Variants in CTNNA2 observed in about 807,000 individuals in gnomAD.
CTNNA2 encodes catenin alpha 2, also known as catenin alpha-2.
CTNNA2 carries 42 observed loss-of-function variants against 101.0 expected under a neutral mutation model. That is an observed-to-expected ratio of 0.42 (90% CI 0.32 to 0.54). CTNNA2 has a LOEUF of 0.54. CTNNA2 is among the 20% of genes least tolerant of loss of function. The pLI, the probability that CTNNA2 is intolerant of heterozygous loss-of-function variation, is 0.14. For synonymous variants in CTNNA2, 450 were observed against 456.4 expected (o/e 0.99, Z 0.18); for missense variants, 871 against 1,223.1 (o/e 0.71, Z 4.29).
Position 79,640,360 on chromosome 2 carries a change from G to A in CTNNA2, c.-5-11192G>A, listed in dbSNP as rs146681885. 3.4e-3 allele frequency among the ~76,000 whole-genome samples: 515 copies of A among 152,186 alleles called. 3 individuals carry two copies. The highest frequency in any genetic ancestry group is 0.012 in the African/African-American group (498 of 41,536). ...ACCTGCACAGCTTGAACTATACTTT[G>A]CACAAAGTTACTCATGTGGAAATCA... On this transcript the variant is annotated intron_variant, in intron 1 of 18. Coordinates refer to ENST00000402739, the MANE Select transcript of CTNNA2 (RefSeq NM_001282597.3).
intron 3 of CTNNA2, among the ~76,000 whole-genome samples, chr2:79,327,757 A>G (rs990985105): frequency 6.6e-6 from 1 of 152,198 alleles, no homozygotes; most frequent in African/African-American, 2.4e-5. Flanking sequence ...AAGTGGTTAA[A>G]GTATTTTCTC....
chr2:79,257,156 G>A (rs1482455534), intron 2 of CTNNA2, among the ~76,000 whole-genome samples: 3 of 152,062 alleles, frequency 2.0e-5, no homozygotes, highest in Non-Finnish European at 4.4e-5. Context: ...GTTTGAAAAT[G>A]TCCATAGTAA....
chr2:79,469,829 G>A (rs1411140345), intron 4 of CTNNA2, among the ~76,000 whole-genome samples: 2 of 152,044 alleles, frequency 1.3e-5, no homozygotes, highest in South Asian at 2.1e-4. Context: ...AAATTCAACA[G>A]CCCTTCATGC....
At chr2:79,318,398 G>T (rs1676546054) in intron 3 of CTNNA2, among the ~76,000 whole-genome samples, 1 of 152,124 alleles carries the variant, frequency 6.6e-6, no homozygotes, top group African/African-American at 2.4e-5. Context: ...AATATGCATT[G>T]ACTTGTTCTT....
chr2:79,611,633 G>A lies in CTNNA2; in HGVS notation c.-5-39919G>A, dbSNP rs184575611. ...AGGAATGTTTAAGGTGAGCCACTGC[G>A]GAGGAGTTTATTGGGCAGGGTAGTT... On this transcript the variant is annotated intron_variant, in intron 1 of 18. Coordinates refer to ENST00000402739, the MANE Select transcript of CTNNA2 (RefSeq NM_001282597.3). Among the ~76,000 whole-genome samples, 7 of 152,210 alleles carry A rather than the reference G, an allele frequency of 4.6e-5. No homozygotes were observed. In the East Asian group the frequency reaches 5.8e-4, roughly 13 times the overall value.
intron 4 of CTNNA2, among the ~76,000 whole-genome samples, chr2:79,374,741 G>C (rs985011548): frequency 6.9e-6 from 1 of 144,732 alleles, no homozygotes; most frequent in Non-Finnish European, 1.5e-5. Flanking sequence ...TAATTTGATT[G>C]CACTACAAAT....
intron 7 of CTNNA2, among the ~76,000 whole-genome samples, chr2:80,218,362 C>G (rs989650649): frequency 3.9e-5 from 6 of 152,190 alleles, no homozygotes; most frequent in Admixed American, 1.3e-4. Context: ...GGTGGGCAGA[C>G]CTTCAGGACA....
In CTNNA2 at chr2:79,463,474, A is replaced by C. The variant is rs1670901053; in HGVS notation, c.-134-41580A>C. ...GTTTAGGCATTAGGACACTTTGGTG[A>C]GTTGACATATATTGTGATGGCTTCT... On this transcript the variant is annotated intron_variant, in intron 4 of 21. Coordinates refer to the CTNNA2 transcript ENST00000466387. 2.0e-5 allele frequency among the ~76,000 whole-genome samples: 3 copies of C among 151,492 alleles called. No individual in the cohort carries two copies. The South Asian group carries it at 6.2e-4, about 32-fold the overall frequency.
chr2:80,349,451 G>C (rs1042413464), intron 7 of CTNNA2, among the ~76,000 whole-genome samples: 8 of 152,116 alleles, frequency 5.3e-5, no homozygotes, highest in African/African-American at 1.9e-4. Flanking sequence ...AAGCCAAAAA[G>C]GAGATCCTGG....
chr2:80,363,094 T>C (rs796778712), intron 7 of CTNNA2, among the ~76,000 whole-genome samples: 8 of 152,214 alleles, frequency 5.3e-5, no homozygotes, highest in African/African-American at 1.9e-4. Context: ...AATTGTATTT[T>C]TATAAAGACA....
chr2:80,557,916 A>C (rs374368579), intron 12 of CTNNA2, among the ~76,000 whole-genome samples: 4 of 152,064 alleles, frequency 2.6e-5, no homozygotes, highest in East Asian at 3.9e-4. Flanking sequence ...TTTTGCTCTT[A>C]CTTGTTCTGA....
intron 15 of CTNNA2, among the ~76,000 whole-genome samples, chr2:80,599,489 C>G (rs564407898): frequency 2.4e-4 from 37 of 152,290 alleles, no homozygotes; most frequent in African/African-American, 8.9e-4. Context: ...GCCACACAAT[C>G]TGTTATGTAA....
chr2:79,350,860 G>C (rs6734157), intron 3 of CTNNA2, among the ~76,000 whole-genome samples: 2,713 of 152,184 alleles, frequency 0.018, 84 homozygotes, highest in African/African-American at 0.059. Context: ...TCTCACTGTG[G>C]CTGTAATTTG....
chr2:80,180,964 C>G (rs1277209115), intron 7 of CTNNA2, among the ~76,000 whole-genome samples: 1 of 152,192 alleles, frequency 6.6e-6, no homozygotes, highest in African/African-American at 2.4e-5. Flanking sequence ...ATAAATTCAG[C>G]CTGATCCAAC....
At chr2:80,510,203 C>G (rs778179632) in intron 9 of CTNNA2, among the ~76,000 whole-genome samples, 3 of 152,236 alleles carry the variant, frequency 2.0e-5, no homozygotes, top group Middle Eastern at 3.4e-3. Flanking sequence ...CCTAGTCGCT[C>G]ATTGATTTTT....
intron 1 of CTNNA2, among the ~76,000 whole-genome samples, chr2:79,515,460 CTCTT>C (rs1235581454): frequency 2.6e-5 from 4 of 152,302 alleles, no homozygotes. Flanking sequence ...ATGGGCTTTG[CTCTT>C]TCTTTGTTGC....
At chr2:79,324,757 C>T (rs970016840) in intron 3 of CTNNA2, among the ~76,000 whole-genome samples, 15 of 150,912 alleles carry the variant, frequency 9.9e-5, no homozygotes, top group African/African-American at 2.9e-4. Flanking sequence ...CACGTACACA[C>T]ACTACACATG....
chr2:79,524,852 G>T (rs1308459965), intron 1 of CTNNA2: 1 of 150,302 alleles, frequency 6.7e-6, no homozygotes, highest in African/African-American at 2.4e-5. Context: ...AATTTCATAT[G>T]TTCACTTCCA....
intron 15 of CTNNA2, among the ~76,000 whole-genome samples, chr2:80,601,421 C>CTTTTTTTTTTTTTTT (rs56921519): frequency 1.4e-4 from 12 of 84,378 alleles, no homozygotes; most frequent in African/African-American, 5.2e-4. Flanking sequence ...TTCTTTCTTT[C>CTTTTTTTTTTTTTTT]TTTTTTTTTT....
Sources: allele counts gnomAD v4.1 joint callset (sites outside exome capture counted in the v4.1 genomes callset), GRCh38; gene constraint gnomAD v4.1.1; transcripts MANE v1.5; gene names NCBI Gene and HGNC (gene_info 2026-07-23, HGNC 2026-07-21).